PTPRG: variants seen among roughly 807,000 people sequenced by gnomAD.
PTPRG encodes receptor-type tyrosine-protein phosphatase gamma.
A neutral mutation model predicts 165.3 loss-of-function variants in PTPRG; 102 were observed. The ratio of observed to expected loss-of-function variants is 0.62; its 90% CI spans 0.53 to 0.73. The LOEUF is 0.73. PTPRG is among the 30% of genes least tolerant of loss of function. The pLI, the probability that PTPRG is intolerant of heterozygous loss-of-function variation, is 0.00. For synonymous variants in PTPRG, 675 were observed against 669.5 expected (o/e 1.01, Z -0.13); for missense variants, 1,866 against 1,861.4 (o/e 1.00, Z -0.05).
At chr3:61,997,196 C>G (rs988498254) in intron 3 of PTPRG, among the ~76,000 whole-genome samples, 1 of 152,220 alleles carries the variant, frequency 6.6e-6, no homozygotes, top group Non-Finnish European at 1.5e-5. Flanking sequence ...TGACTCTTTA[C>G]TGGATTACTG....
chr3:61,833,454 C>T (rs184805786), intron 2 of PTPRG, among the ~76,000 whole-genome samples: 7 of 152,218 alleles, frequency 4.6e-5, no homozygotes, highest in South Asian at 2.1e-4. Flanking sequence ...CAGACCTAAG[C>T]GAGAGTCCCT....
At chr3:61,932,950 C>T (rs977673895) in intron 2 of PTPRG, among the ~76,000 whole-genome samples, 3 of 152,124 alleles carry the variant, frequency 2.0e-5, no homozygotes, top group Non-Finnish European at 2.9e-5. Flanking sequence ...ATGAAACCCC[C>T]CACTTGCTAC....
At chr3:62,017,362 T>G (rs900866149) in intron 4 of PTPRG, among the ~76,000 whole-genome samples, 5 of 152,142 alleles carry the variant, frequency 3.3e-5, no homozygotes, top group African/African-American at 7.2e-5. Flanking sequence ...ATAAACACAT[T>G]CATCCTCTTG....
intron 5 of PTPRG, chr3:62,124,137 G>A (rs1447258206): frequency 1.5e-5 from 9 of 613,282 alleles, no homozygotes; most frequent in South Asian, 1.0e-4. Flanking sequence ...TAAGTTCAGC[G>A]CTTAAAAGGT....
At chr3:62,159,424 G>A (rs1037630525) in intron 7 of PTPRG, among the ~76,000 whole-genome samples, 2 of 152,152 alleles carry the variant, frequency 1.3e-5, no homozygotes, top group East Asian at 3.8e-4. Context: ...GCAGAGAGTC[G>A]TTGATTAGCT....
At chr3:61,797,080 GCCGGC>G (rs1301933591) in intron 2 of PTPRG, among the ~76,000 whole-genome samples, 1 of 152,186 alleles carries the variant, frequency 6.6e-6, no homozygotes, top group Non-Finnish European at 1.5e-5. Context: ...TTAGAGGCCA[GCCGGC>G]ACAGAAATGT....
chr3:62,068,362 C>G (rs2106717588), intron 4 of PTPRG, among the ~76,000 whole-genome samples: 1 of 152,216 alleles, frequency 6.6e-6, no homozygotes, highest in Admixed American at 6.5e-5. Context: ...CTGGAACTTG[C>G]TCCGTCAAGC....
Position 62,273,276 on chromosome 3 carries a change from G to A in PTPRG, c.3318+195G>A, listed in dbSNP as rs1306293200. On this transcript the variant is annotated intron_variant, in intron 22 of 29. Coordinates refer to ENST00000474889, the MANE Select transcript of PTPRG (RefSeq NM_002841.4). The surrounding 1 kb of genome is among the most constrained non-coding windows in gnomAD (Gnocchi z 4.1). ...ATTTCTGTATGGATCTTAACATTTG[G>A]ATTCCTAAATAACTACACAAGTACT... 6.6e-6 allele frequency among the ~76,000 whole-genome samples: 1 copy of A among 152,130 alleles called. No individual in the cohort carries two copies. The highest frequency in any genetic ancestry group is 1.5e-5 in the Non-Finnish European group (1 of 68,018).
intron 2 of PTPRG, among the ~76,000 whole-genome samples, chr3:61,910,575 G>T (rs888391275): frequency 2.6e-5 from 4 of 151,990 alleles, no homozygotes; most frequent in African/African-American, 9.7e-5. Context: ...TTCTATGCTG[G>T]TAGTGACTGT....
intron 4 of PTPRG, among the ~76,000 whole-genome samples, chr3:62,032,163 AAC>A: frequency 6.6e-6 from 1 of 152,324 alleles, no homozygotes; most frequent in Admixed American, 6.5e-5. Context: ...GCCTGCAGAG[AAC>A]ACAGAGTTGG....
At chr3:61,816,944 T>TTGG (rs1313659698) in intron 2 of PTPRG, among the ~76,000 whole-genome samples, 4 of 144,430 alleles carry the variant, frequency 2.8e-5, no homozygotes, top group Non-Finnish European at 6.0e-5. Flanking sequence ...ATGAAGCTTT[T>TTGG]TGGTAGTACC....
intron 2 of PTPRG, among the ~76,000 whole-genome samples, chr3:61,951,955 T>G (rs969943298): frequency 1.3e-4 from 20 of 151,780 alleles, no homozygotes; most frequent in African/African-American, 4.6e-4. Context: ...CTGTCTTTAC[T>G]AAAAATACAA....
At chr3:62,137,899 C>A (rs1484767000) in intron 6 of PTPRG, among the ~76,000 whole-genome samples, 2 of 152,196 alleles carry the variant, frequency 1.3e-5, no homozygotes, top group Non-Finnish European at 2.9e-5. Context: ...TTTTACTGTT[C>A]CAATTTGCTT....
intron 2 of PTPRG, among the ~76,000 whole-genome samples, chr3:61,794,802 G>A (rs2034996120): frequency 6.6e-6 from 1 of 152,096 alleles, no homozygotes; most frequent in Non-Finnish European, 1.5e-5. Context: ...ACTTACCTGT[G>A]GATAGAGTCG....
At chr3:62,068,691 C>T (rs1701102045) in intron 4 of PTPRG, among the ~76,000 whole-genome samples, 1 of 151,882 alleles carries the variant, frequency 6.6e-6, no homozygotes, top group Non-Finnish European at 1.5e-5. Context: ...ATAAGGTCTC[C>T]CTATGTTTCT....
chr3:61,940,672 T>TA (rs1344378971), intron 2 of PTPRG, among the ~76,000 whole-genome samples: 9 of 126,600 alleles, frequency 7.1e-5, no homozygotes, highest in African/African-American at 1.7e-4. Context: ...TTTATTTATT[T>TA]TTTATTTTTT....
chr3:61,867,790 C>T (rs1485385938), intron 2 of PTPRG, among the ~76,000 whole-genome samples: 5 of 152,160 alleles, frequency 3.3e-5, no homozygotes, highest in African/African-American at 1.2e-4. Flanking sequence ...ACGTCCCTTA[C>T]GGAACTCAAA....
chr3:62,280,698 CCTT>C lies in PTPRG; in HGVS notation c.3766-861_3766-859del, dbSNP rs1398746549. Among the ~76,000 whole-genome samples the C allele has an allele frequency of 4.6e-5, 7 of 152,130 alleles. No individual in the cohort carries two copies. The East Asian group carries it at 1.4e-3, about 29-fold the overall frequency. On this transcript the variant is annotated intron_variant, in intron 26 of 29. Coordinates refer to ENST00000474889, the MANE Select transcript of PTPRG (RefSeq NM_002841.4). ...TAGAACTACCATAAGACCCAGCAGT[CCTT>C]CTTGTGGGCATATACCCAAAGGAAG...
At chr3:61,842,684 C>CA (rs199500194) in intron 2 of PTPRG, among the ~76,000 whole-genome samples, 5,813 of 121,256 alleles carry the variant, frequency 0.048, 276 homozygotes, top group African/African-American at 0.14. Flanking sequence ...GTATGTGTGG[C>CA]AAAAAAAAAA....
Sources: allele counts gnomAD v4.1 joint callset (sites outside exome capture counted in the v4.1 genomes callset), GRCh38; gene constraint gnomAD v4.1.1; non-coding constraint Gnocchi (gnomAD v3.1); transcripts MANE v1.5; gene names NCBI Gene and HGNC (gene_info 2026-07-23, HGNC 2026-07-21).